SLC41A2: variants seen among roughly 807,000 people sequenced by gnomAD.
The protein encoded by SLC41A2 is solute carrier family 41 member 2.
In SLC41A2, 32 loss-of-function variants were observed where a neutral mutation model predicts 58.3. That is an observed-to-expected ratio of 0.55 (90% CI 0.41 to 0.74). The LOEUF (loss-of-function observed/expected upper bound fraction) is 0.74. Ranked by LOEUF, SLC41A2 falls within the 30% of genes least tolerant of loss-of-function variation. The pLI is 0.00. For missense variants in SLC41A2, 514 were observed against 680.6 expected, an observed-to-expected ratio of 0.76 and a Z score of 2.72; for synonymous variants, 190 against 235.0, an observed-to-expected ratio of 0.81 and a Z score of 1.75.
intron 8 of SLC41A2, among the ~76,000 whole-genome samples, chr12:104,855,345 T>TG (rs2136390828): frequency 6.6e-6 from 1 of 152,358 alleles, no homozygotes; most frequent in African/African-American, 2.4e-5. Context: ...GTGCCCTCTG[T>TG]GCTCTTCCTT....
intron 6 of SLC41A2, among the ~76,000 whole-genome samples, chr12:104,875,788 C>T (rs2044013452): frequency 6.6e-6 from 1 of 152,080 alleles, no homozygotes; most frequent in Non-Finnish European, 1.5e-5. Flanking sequence ...GCAAGACCCC[C>T]ATCTCTGAAA....
chr12:104,940,816 G>A lies in SLC41A2; in HGVS notation c.-167-12122C>T, dbSNP rs546877706. Among the ~76,000 whole-genome samples the A allele has an allele frequency of 1.6e-4, 25 of 151,920 alleles. No individual in the cohort carries two copies. In the South Asian group the frequency reaches 3.9e-3, roughly 24 times the overall value. ...CGCCTGTAGTCCCACCTACTCAGGA[G>A]GCTGAGGCAGGAGAATTACTTGAAA... On this transcript the variant is annotated intron_variant, in intron 1 of 10. Coordinates refer to ENST00000258538, the MANE Select transcript of SLC41A2 (RefSeq NM_001352171.3).
intron 6 of SLC41A2, among the ~76,000 whole-genome samples, chr12:104,866,906 C>T (rs1439218195): frequency 1.3e-5 from 2 of 152,072 alleles, no homozygotes; most frequent in Non-Finnish European, 1.5e-5. Context: ...ATACCAAGTA[C>T]TATGCTAAAT....
At chr12:104,904,508 T>A (rs936053301) in intron 3 of SLC41A2, among the ~76,000 whole-genome samples, 4 of 152,206 alleles carry the variant, frequency 2.6e-5, no homozygotes, top group African/African-American at 9.7e-5. Flanking sequence ...TTTCACTAAT[T>A]CTCAAAATCT....
chr12:104,827,090 C>T (rs2041872096), intron 10 of SLC41A2, among the ~76,000 whole-genome samples: 1 of 152,148 alleles, frequency 6.6e-6, no homozygotes, highest in African/African-American at 2.4e-5. Context: ...CTAAGTTGTC[C>T]ATGATCGATC....
At chr12:104,898,461 T>C (rs868816844) in intron 3 of SLC41A2, among the ~76,000 whole-genome samples, 1 of 151,990 alleles carries the variant, frequency 6.6e-6, no homozygotes, top group Non-Finnish European at 1.5e-5. Flanking sequence ...AAAAAATATG[T>C]TTAATGAATA....
Position 104,945,996 on chromosome 12 carries a change from G to C in SLC41A2, c.-168+12092C>G, listed in dbSNP as rs376577463. On this transcript the variant is annotated intron_variant, in intron 1 of 10. Transcript: ENST00000258538. ...AACGCCAAACAAAACAAGTATAAGA[G>C]TCAAAAAAGGTATGATTTTCCCCCA... is the stretch of plus-strand genomic sequence containing the variant. Among the ~76,000 whole-genome samples, 30 of 152,078 alleles carry C rather than the reference G, an allele frequency of 2.0e-4. 2 individuals are homozygous for C. The highest frequency in any genetic ancestry group is 1.7e-3 in the East Asian group (9 of 5,196).
At chr12:104,814,949 A>C (rs565315133) in intron 10 of SLC41A2, among the ~76,000 whole-genome samples, 1 of 152,328 alleles carries the variant, frequency 6.6e-6, no homozygotes, top group East Asian at 1.9e-4. Context: ...AGAGCTAAGA[A>C]ATTTCATTGT....
At chr12:104,882,966 T>C (rs2044461211) in intron 6 of SLC41A2, among the ~76,000 whole-genome samples, 1 of 152,224 alleles carries the variant, frequency 6.6e-6, no homozygotes, top group Admixed American at 6.5e-5. Context: ...CAATCAAATG[T>C]AGATTTGGTC....
At chr12:104,828,743 A>G (rs2041938808) in intron 10 of SLC41A2, among the ~76,000 whole-genome samples, 4 of 152,296 alleles carry the variant, frequency 2.6e-5, no homozygotes, top group African/African-American at 9.6e-5. Context: ...TAAAAAGACA[A>G]TTGATAGACT....
intron 2 of SLC41A2, among the ~76,000 whole-genome samples, chr12:104,924,991 C>T (rs1280501060): frequency 6.6e-6 from 1 of 151,910 alleles, no homozygotes; most frequent in African/African-American, 2.4e-5. Flanking sequence ...TTTAGGGATA[C>T]ACACTTATAA....
At position 104,886,344 on chromosome 12, in the gene SLC41A2, T is replaced by C; in HGVS notation, c.976A>G (p.Ile326Val). ...TPIAASFGDL[I>V]TLAILAWISQ... ...ATCCAAGCCAATATGGCAAGAGTTA[T>C]AAGGTCGCCAAAACTAGCAGCAATG... Residue 326 changes from isoleucine to valine, a missense_variant, in exon 6 of 11, where the codon ATA (isoleucine) becomes GTA (valine). This residue lies in a region of SLC41A2 where 336 missense variants were observed against 430.0 expected (regional missense o/e 0.78). Transcript: ENST00000258538. 6.2e-7 allele frequency: 1 copy of C among 1,613,698 alleles called. No homozygotes were observed. Among genetic ancestry groups the C allele is most frequent in the Non-Finnish European group, 8.5e-7 (1 of 1,179,680 alleles).
intron 3 of SLC41A2, among the ~76,000 whole-genome samples, chr12:104,902,699 A>C (rs1190803826): frequency 6.6e-6 from 1 of 152,204 alleles, no homozygotes. Flanking sequence ...AAGACGTGGG[A>C]GAATGAGAAG....
At chr12:104,931,795 C>T (rs1489970872) in intron 1 of SLC41A2, 2 of 152,242 alleles carry the variant, frequency 1.3e-5, no homozygotes, top group Non-Finnish European at 2.9e-5. Flanking sequence ...AGAGGATCTA[C>T]AGAAAGAGGG....
Position 104,918,606 on chromosome 12 carries a change from ATGTCTGT to A in SLC41A2, c.556-8851_556-8845del, listed in dbSNP as rs1225787500. On this transcript the variant is annotated intron_variant, in intron 2 of 10. Coordinates refer to ENST00000258538, the MANE Select transcript of SLC41A2 (RefSeq NM_001352171.3). ...ATATTAATGCAAATACATTCATTTC[ATGTCTGT>A]TGAAGGAGATACATGAAAAAAAAAA... Among the ~76,000 whole-genome samples, 202 of 137,112 alleles carry A rather than the reference ATGTCTGT, an allele frequency of 1.5e-3. 1 individual carries two copies. The highest frequency in any genetic ancestry group is 5.1e-3 in the African/African-American group (183 of 35,832). 90.0% of individuals were successfully genotyped at this position (137,112 alleles called of 152,430 possible).
chr12:104,907,302 G>A (rs896391337), intron 3 of SLC41A2, among the ~76,000 whole-genome samples: 1 of 150,400 alleles, frequency 6.6e-6, no homozygotes, highest in Non-Finnish European at 1.5e-5. Context: ...AGCCCAAGGA[G>A]CTCCTATTAT....
intron 8 of SLC41A2, among the ~76,000 whole-genome samples, chr12:104,849,894 C>T (rs1348015439): frequency 6.6e-6 from 1 of 152,118 alleles, no homozygotes; most frequent in South Asian, 2.1e-4. Flanking sequence ...CTAGCAATTC[C>T]ACTCTTAGAC....
chr12:104,834,969 T>C (rs1032909096), intron 10 of SLC41A2, among the ~76,000 whole-genome samples: 2 of 152,138 alleles, frequency 1.3e-5, no homozygotes, highest in African/African-American at 4.8e-5. Flanking sequence ...AGAATCAAGG[T>C]AGAGACTCTT....
In SLC41A2 at chr12:104,805,322, A is replaced by G; in HGVS notation, c.1552T>C (p.Trp518Arg). The G allele has an allele frequency of 6.2e-7, 1 of 1,613,360 alleles. No homozygotes were observed. The highest frequency in any genetic ancestry group is 8.5e-7 in the Non-Finnish European group (1 of 1,179,622). Residue 518 changes from tryptophan to arginine, a missense_variant, in exon 11 of 11, where the codon TGG (tryptophan) becomes CGG (arginine). By Grantham distance (101) the Trp-to-Arg change is moderately radical. Around this residue, in one of 3 missense-constraint regions of SLC41A2, gnomAD observed 128 missense variants for 146.0 expected, o/e 0.88. Coordinates refer to ENST00000258538, the MANE Select transcript of SLC41A2 (RefSeq NM_001352171.3). ...TGATGGACCATCCAGTCAGCAATCCACAGCAAGGTAAATACCTAGAAGAGA... is the reference window on the plus strand; with the variant it reads ...TGATGGACCATCCAGTCAGCAATCCGCAGCAAGGTAAATACCTAGAAGAGA... ...GAVLQVFTLL[W>R]IADWMVHHFW...
Sources: allele counts gnomAD v4.1 joint callset (sites outside exome capture counted in the v4.1 genomes callset), GRCh38; gene constraint gnomAD v4.1.1; regional missense constraint gnomAD v4.1.1; transcripts MANE v1.5; gene names NCBI Gene and HGNC (gene_info 2026-07-23, HGNC 2026-07-21).